The following COG2 variants were observed in gnomAD, a reference collection of about 807,000 sequenced individuals.
The protein encoded by COG2 is conserved oligomeric Golgi complex subunit 2.
In COG2, 52 loss-of-function variants were observed where a neutral mutation model predicts 90.6. The observed-to-expected ratio is 0.57, with a 90% CI of 0.46 to 0.72. COG2 has a LOEUF of 0.72. Ranked by LOEUF, COG2 falls within the 30% of genes least tolerant of loss-of-function variation. COG2 has a pLI of 0.00. For missense variants in COG2, 829 were observed against 891.2 expected, an observed-to-expected ratio of 0.93 and a Z score of 0.89; for synonymous variants, 337 against 320.4, an observed-to-expected ratio of 1.05 and a Z score of -0.55.
At chr1:230,667,516 T>A (rs1178368039) in intron 5 of COG2, among the ~76,000 whole-genome samples, 1 of 152,166 alleles carries the variant, frequency 6.6e-6, no homozygotes, top group East Asian at 1.9e-4. Context: ...ATCTGCAAAT[T>A]TGAGCTGTAG....
intron 16 of COG2, among the ~76,000 whole-genome samples, 160 bp from the exon 17 acceptor site, chr1:230,691,224 A>T (rs1049681372): frequency 6.7e-6 from 1 of 148,334 alleles, no homozygotes; most frequent in Non-Finnish European, 1.5e-5. Context: ...TATATATATA[A>T]AATGATCTTA....
At chr1:230,669,602 G>C in intron 7 of COG2, 67 bp downstream of exon 7, 1 of 1,387,196 alleles carries the variant, frequency 7.2e-7, no homozygotes, top group Non-Finnish European at 9.9e-7. Flanking sequence ...TACTGGGTGT[G>C]AGGAAGATAA....
Position 230,664,538 on chromosome 1 carries a change from A to G in COG2, c.436A>G (p.Ile146Val). Reference protein sequence around the residue: ...VIRSVEKIEKILNSQSSKETS... With the variant: ...VIRSVEKIEKVLNSQSSKETS... Reference sequence around the variant, plus strand: ...TCGGTCAGTTGAGAAAATTGAAAAAATCTTAAACTCTCAAAGTTCTAAAGA... The same window carrying G: ...TCGGTCAGTTGAGAAAATTGAAAAAGTCTTAAACTCTCAAAGTTCTAAAGA... The change falls in exon 5 of 18, where the codon ATC becomes GTC. Residue 146 changes from isoleucine (I) to valine (V), a missense_variant. Ile to Val is a conservative substitution (Grantham distance 29). Transcript: ENST00000366669. 1.3e-6 allele frequency: 2 copies of G among 1,585,732 alleles called. No homozygotes were observed. Among genetic ancestry groups the G allele is most frequent in the Non-Finnish European group, 1.7e-6 (2 of 1,163,844 alleles).
At position 230,678,909 on chromosome 1, in the gene COG2, T is replaced by C; in HGVS notation, c.1027-4T>C. The stretch of plus-strand genomic sequence containing the variant: ...ATGAAAATTTTCCTTTTGTTTTATT[T>C]TAGAAATATACCATAAGTATGGATT... On this transcript the variant is annotated splice_polypyrimidine_tract_variant and splice_region_variant and intron_variant, in intron 9 of 17. Coordinates refer to ENST00000366669, the MANE Select transcript of COG2 (RefSeq NM_007357.3). 6.2e-7 allele frequency: 1 copy of C among 1,609,176 alleles called. No individual in the cohort carries two copies. The highest frequency in any genetic ancestry group is 8.5e-7 in the Non-Finnish European group (1 of 1,177,524).
rs75811274 is a variant in COG2, at chr1:230,645,961, G to A, written c.72+3283G>A. ...CTGCGCTCCTCCTGCTGGGCCACCCGGTTCCCCACAGGTAGTTGGGGACGC... is the reference window on the plus strand; with the variant it reads ...CTGCGCTCCTCCTGCTGGGCCACCCAGTTCCCCACAGGTAGTTGGGGACGC... On this transcript the variant is annotated intron_variant, in intron 1 of 17. Transcript: ENST00000366669. 6.7e-3 allele frequency among the ~76,000 whole-genome samples: 1,023 copies of A among 152,212 alleles called. 6 individuals carry two copies. Among genetic ancestry groups the A allele is most frequent in the Non-Finnish European group, 0.011 (762 of 68,016 alleles).
chr1:230,657,565 A>G (rs922892811), intron 1 of COG2, among the ~76,000 whole-genome samples: 1 of 151,840 alleles, frequency 6.6e-6, no homozygotes, highest in African/African-American at 2.4e-5. Flanking sequence ...CTTCTCGAGG[A>G]GCATCTTTGT....
chr1:230,669,333 T>A (rs780105876), intron 6 of COG2, 23 bp from the exon 7 acceptor site: 7 of 1,584,760 alleles, frequency 4.4e-6, no homozygotes, highest in African/African-American at 2.7e-5. Context: ...GCTTTTTTTT[T>A]ATTTACCCAC....
intron 9 of COG2, chr1:230,678,335 C>T (rs2102765392): frequency 1.0e-6 from 1 of 985,286 alleles, no homozygotes; most frequent in East Asian, 1.1e-4. Context: ...ATGGTAGTTG[C>T]CCTGTGGGGT....
intron 15 of COG2, 22 bp from the exon 16 acceptor site, chr1:230,689,992 T>A: frequency 6.5e-7 from 1 of 1,549,844 alleles, no homozygotes; most frequent in Non-Finnish European, 8.7e-7. Context: ...TGCATCTTTA[T>A]CTCCTACCAT....
intron 8 of COG2, among the ~76,000 whole-genome samples, chr1:230,674,758 C>T (rs1317338421): frequency 1.3e-5 from 2 of 152,110 alleles, no homozygotes; most frequent in African/African-American, 4.8e-5. Context: ...CTTCCCTTAG[C>T]CTTGACACCA....
intron 1 of COG2, among the ~76,000 whole-genome samples, chr1:230,648,504 A>G (rs1661842114): frequency 6.6e-6 from 1 of 152,228 alleles, no homozygotes; most frequent in Admixed American, 6.5e-5. Context: ...CCTAATGTGA[A>G]ATACTTTTCT....
At chr1:230,664,281 A>ATATTGAAATATGTT (rs1337868417) in intron 4 of COG2, among the ~76,000 whole-genome samples, 1 of 152,204 alleles carries the variant, frequency 6.6e-6, no homozygotes, top group Non-Finnish European at 1.5e-5. Flanking sequence ...TTGTGATAGA[A>ATATTGAAATATGTT]TATTGAAATA....
chr1:230,676,100 C>T (rs546907360), intron 9 of COG2, among the ~76,000 whole-genome samples: 1 of 152,210 alleles, frequency 6.6e-6, no homozygotes, highest in Non-Finnish European at 1.5e-5. Flanking sequence ...CTTCTTCTTC[C>T]CTGGATTTCA....
intron 12 of COG2, 31 bp from the exon 13 acceptor site, chr1:230,686,904 A>C: frequency 7.1e-7 from 1 of 1,407,996 alleles, no homozygotes; most frequent in Non-Finnish European, 9.6e-7. Flanking sequence ...TGCTAGTGTG[A>C]AAGTAGTTAA....
chr1:230,678,773 A>G, intron 9 of COG2, 140 bp from the exon 10 acceptor site: 1 of 1,545,020 alleles, frequency 6.5e-7, no homozygotes, highest in Non-Finnish European at 8.7e-7. Context: ...TGGAAGAAAG[A>G]TCTTGTAAGT....
intron 8 of COG2, 41 bp downstream of exon 8, chr1:230,671,681 A>G (rs768921587): frequency 6.2e-7 from 1 of 1,602,250 alleles, no homozygotes; most frequent in Non-Finnish European, 8.5e-7. Context: ...CCTCCCTTTC[A>G]GTGACCGCAC....
At chr1:230,644,887 TTA>T (rs1294861292) in intron 1 of COG2, among the ~76,000 whole-genome samples, 1 of 152,168 alleles carries the variant, frequency 6.6e-6, no homozygotes, top group Non-Finnish European at 1.5e-5. Flanking sequence ...TCAGTGGTTT[TTA>T]TGAGATCTGA....
Position 230,642,557 on chromosome 1 carries a change from C to T in COG2, c.-50C>T, listed in dbSNP as rs1661646532. 1.9e-6 allele frequency: 3 copies of T among 1,576,654 alleles called. No individual in the cohort carries two copies. The highest frequency in any genetic ancestry group is 1.3e-5 in the African/African-American group (1 of 74,256). ...GCCGCCGAGTCGGTCTGCGCAGCCT[C>T]CTGCGTTTTCTCGCTTGGATCTTGG... On this transcript the variant is annotated 5_prime_UTR_variant, in exon 1 of 18. Coordinates refer to ENST00000366669, the MANE Select transcript of COG2 (RefSeq NM_007357.3).
chr1:230,655,684 T>A (rs1662029493), intron 1 of COG2, among the ~76,000 whole-genome samples: 1 of 152,226 alleles, frequency 6.6e-6, no homozygotes, highest in Admixed American at 6.5e-5. Context: ...TACCAGCTCC[T>A]CTTTGTACCT....
Sources: gnomAD v4.1 joint callset for allele counts (sites outside exome capture counted in the v4.1 genomes callset) on GRCh38, gnomAD v4.1.1 for gene constraint, MANE v1.5 for transcripts, NCBI Gene and HGNC (gene_info 2026-07-23, HGNC 2026-07-21) for gene names.